CREB3L2: variants seen among roughly 807,000 people sequenced by gnomAD.
CREB3L2 encodes cAMP responsive element binding protein 3 like 2, also known as cyclic AMP-responsive element-binding protein 3-like protein 2.
CREB3L2 carries 23 observed loss-of-function variants against 57.2 expected under a neutral mutation model. That is an observed-to-expected ratio of 0.40 (90% CI 0.29 to 0.57). The LOEUF is 0.57. CREB3L2 is among the 20% of genes least tolerant of loss of function. CREB3L2 has a pLI of 0.42. For missense variants in CREB3L2, 628 were observed against 634.7 expected (o/e 0.99, Z 0.11); for synonymous variants, 268 against 265.1 (o/e 1.01, Z -0.11).
At chr7:137,973,700 T>C (rs12534066) in intron 1 of CREB3L2, among the ~76,000 whole-genome samples, 79,623 of 152,078 alleles carry the variant, frequency 0.52, 23,679 homozygotes, top group African/African-American at 0.82. Flanking sequence ...TAGTCAGCCA[T>C]AGTTTTACAA....
chr7:137,989,347 A>T (rs945231977), intron 1 of CREB3L2, among the ~76,000 whole-genome samples: 119 of 149,008 alleles, frequency 8.0e-4, no homozygotes, highest in African/African-American at 2.8e-3. Flanking sequence ...TGAATAGCAC[A>T]CTCAACCCTT....
At chr7:137,897,289 C>T (rs775346583) in intron 8 of CREB3L2, among the ~76,000 whole-genome samples, 4 of 152,158 alleles carry the variant, frequency 2.6e-5, no homozygotes, top group Admixed American at 2.0e-4. Flanking sequence ...CCTGCTTTAA[C>T]AGGTGGCTAA....
chr7:137,993,179 T>A (rs1801930967), intron 1 of CREB3L2, among the ~76,000 whole-genome samples: 1 of 152,200 alleles, frequency 6.6e-6, no homozygotes, highest in Non-Finnish European at 1.5e-5. Flanking sequence ...AGAAGACATT[T>A]GACTTAGGGG....
rs542302109 is a variant in CREB3L2 at position 137,924,205 on chromosome 7, G to A, written c.319+3945C>T. Among the ~76,000 whole-genome samples, 444 of 151,994 alleles carry A rather than the reference G, an allele frequency of 2.9e-3. 4 individuals are homozygous for A. Among genetic ancestry groups the A allele is most frequent in the South Asian group, 0.016 (75 of 4,820 alleles). ...GTAGACCTGGGACAGCCATAGTCAC[G>A]GTCCTTTGTTCCACCCTTGACTACA... On this transcript the variant is annotated intron_variant, in intron 2 of 11. Transcript: ENST00000330387.
At chr7:137,956,232 G>A (rs1801207879) in intron 1 of CREB3L2, among the ~76,000 whole-genome samples, 2 of 152,114 alleles carry the variant, frequency 1.3e-5, no homozygotes, top group South Asian at 4.1e-4. Context: ...AGCACAAACC[G>A]AGTGAGACGA....
chr7:137,876,290 A>T lies in CREB3L2; in HGVS notation c.*4186T>A, dbSNP rs1436344028. On this transcript the variant is annotated 3_prime_UTR_variant, in exon 12 of 12. Transcript: ENST00000330387. ...GTCATCCTGGATTTACCTATAAGGC[A>T]CATTTAAGGCACAAATGAGCATGTA... 4.3e-6 allele frequency: 1 copy of T among 232,448 alleles called. No homozygotes were observed. Among genetic ancestry groups the T allele is most frequent in the Non-Finnish European group, 8.5e-6 (1 of 117,778 alleles). 14.4% of individuals were successfully genotyped at this position (232,448 alleles called of 1,614,324 possible). A position where few individuals can be genotyped will look rare whatever the true frequency, so the allele number is the denominator to read the frequency against.
chr7:137,890,864 A>G (rs1799515256), intron 8 of CREB3L2, among the ~76,000 whole-genome samples: 1 of 152,228 alleles, frequency 6.6e-6, no homozygotes, highest in South Asian at 2.1e-4. Flanking sequence ...CAGCAGATGA[A>G]ATGGAAAAGT....
chr7:137,926,274 A>G (rs940883757), intron 2 of CREB3L2, among the ~76,000 whole-genome samples: 5 of 152,228 alleles, frequency 3.3e-5, no homozygotes, highest in African/African-American at 1.2e-4. Flanking sequence ...ATAAAGACAC[A>G]TGCACGCGTA....
chr7:137,980,227 A>G lies in CREB3L2; in HGVS notation c.102+21377T>C, dbSNP rs11764846. On this transcript the variant is annotated intron_variant, in intron 1 of 11. Coordinates refer to ENST00000330387, the MANE Select transcript of CREB3L2 (RefSeq NM_194071.4). This position sits in a 1 kb window ranked among gnomAD's most constrained non-coding sequence, Gnocchi z 4.3. Reference sequence around the variant, plus strand: ...TCGGTTTCACTTTGGAAGCACTGGGAGAGCTTTTAAAATGCCTGATGCCCA... The same window carrying G: ...TCGGTTTCACTTTGGAAGCACTGGGGGAGCTTTTAAAATGCCTGATGCCCA... 0.13 allele frequency among the ~76,000 whole-genome samples: 19,237 copies of G among 152,178 alleles called. 1,354 individuals are homozygous for G. Among genetic ancestry groups the G allele is most frequent in the African/African-American group, 0.19 (7,917 of 41,518 alleles).
At chr7:137,882,334 A>G in intron 11 of CREB3L2, 78 bp downstream of exon 11, 2 of 1,101,984 alleles carry the variant, frequency 1.8e-6, no homozygotes, top group Middle Eastern at 2.3e-4. Context: ...GAGAGTCTCA[A>G]CCTCACATCT....
chr7:137,942,749 T>C (rs902544537), intron 1 of CREB3L2, among the ~76,000 whole-genome samples: 2 of 152,176 alleles, frequency 1.3e-5, no homozygotes, highest in Non-Finnish European at 1.5e-5. Context: ...ACAGTTTGAG[T>C]ATTTTTCTCC....
intron 1 of CREB3L2, among the ~76,000 whole-genome samples, chr7:137,962,176 A>G (rs1801334402): frequency 2.6e-5 from 4 of 152,214 alleles, no homozygotes; most frequent in Admixed American, 2.6e-4. Flanking sequence ...CACTAAACTC[A>G]TGAAGCAGCA....
At chr7:137,897,826 ATTC>A (rs1237439424) in intron 8 of CREB3L2, among the ~76,000 whole-genome samples, 2 of 152,206 alleles carry the variant, frequency 1.3e-5, no homozygotes, top group Non-Finnish European at 2.9e-5. Flanking sequence ...GAGTGAAAGG[ATTC>A]TTTTTTTTTC....
At chr7:137,907,716 T>C (rs59690824) in intron 5 of CREB3L2, among the ~76,000 whole-genome samples, 15,777 of 152,178 alleles carry the variant, frequency 0.1, 2,051 homozygotes, top group African/African-American at 0.31. Context: ...GGTGTCCTCA[T>C]GTATGGGAGG....
intron 1 of CREB3L2, among the ~76,000 whole-genome samples, chr7:137,940,297 C>G (rs1800859929): frequency 6.6e-6 from 1 of 152,194 alleles, no homozygotes; most frequent in African/African-American, 2.4e-5. Context: ...TCCCTCATAT[C>G]TTTCAGTGAA....
chr7:137,942,585 A>G (rs1274123714), intron 1 of CREB3L2, among the ~76,000 whole-genome samples: 1 of 152,182 alleles, frequency 6.6e-6, no homozygotes, highest in East Asian at 1.9e-4. Flanking sequence ...ACAAAACAAA[A>G]TAAAACACGA....
In CREB3L2 at chr7:137,995,987, G is replaced by A. The variant is rs892855327; in HGVS notation, c.102+5617C>T. 2.1e-4 allele frequency among the ~76,000 whole-genome samples: 32 copies of A among 152,126 alleles called. 3 individuals are homozygous for A. On this transcript the variant is annotated intron_variant, in intron 1 of 11. Transcript: ENST00000330387. ...GTCAAAGATTTTTTGCTAAGCCAAG[G>A]GAAATCCTCTAGATCATAGACAAAT...
chr7:137,931,535 A>G (rs1157883749), intron 1 of CREB3L2, among the ~76,000 whole-genome samples: 1 of 151,570 alleles, frequency 6.6e-6, no homozygotes, highest in Non-Finnish European at 1.5e-5. Context: ...AAAAAAAAAA[A>G]AAAAAAAACT....
chr7:137,915,232 C>T (rs59616289), intron 3 of CREB3L2, among the ~76,000 whole-genome samples: 5,915 of 151,820 alleles, frequency 0.039, 401 homozygotes, highest in African/African-American at 0.14. Context: ...ATTCTACTTG[C>T]GGTAGGCATG....
Sources: gnomAD v4.1 joint callset for allele counts (sites outside exome capture counted in the v4.1 genomes callset) on GRCh38, gnomAD v4.1.1 for gene constraint, Gnocchi (gnomAD v3.1) non-coding constraint, MANE v1.5 for transcripts, NCBI Gene and HGNC (gene_info 2026-07-23, HGNC 2026-07-21) for gene names.